The following CBFA2T2 variants were observed in gnomAD, a reference collection of about 807,000 sequenced individuals.
CBFA2T2 encodes the protein CBFA2/RUNX1 partner transcriptional co-repressor 2.
In CBFA2T2, 11 loss-of-function variants were observed where a neutral mutation model predicts 62.2. The observed-to-expected ratio is 0.18, with a 90% CI of 0.11 to 0.29. The LOEUF is 0.29. Among genes scored for constraint, CBFA2T2 ranks in the 10% least tolerant of loss-of-function variants. CBFA2T2 has a pLI of 1.00. For missense variants in CBFA2T2, 592 were observed against 774.1 expected, an observed-to-expected ratio of 0.76 and a Z score of 2.79; for synonymous variants, 295 against 287.5, an observed-to-expected ratio of 1.03 and a Z score of -0.27.
rs1204815699 is a variant in CBFA2T2 at position 33,647,586 on chromosome 20, G to C, written c.*2940G>C. ...GGCATGAGCCACTGTGTCCGGTCTT[G>C]AGCAGGTTTTTAAAATCTCCAGTGG... On this transcript the variant is annotated 3_prime_UTR_variant, in exon 11 of 11. Transcript: ENST00000342704. The C allele has an allele frequency of 6.6e-6, 1 of 152,186 alleles. No individual in the cohort carries two copies. The highest frequency in any genetic ancestry group is 1.9e-4 in the East Asian group (1 of 5,196). 9.4% of individuals were successfully genotyped at this position (152,186 alleles called of 1,614,324 possible).
chr20:33,587,233 G>A (rs1041110810), intron 1 of CBFA2T2, among the ~76,000 whole-genome samples: 3 of 142,146 alleles, frequency 2.1e-5, no homozygotes, highest in East Asian at 2.2e-4. Context: ...CGTGAGCCAC[G>A]GCACCCAGGT....
At chr20:33,547,867 C>T (rs183197093) in intron 1 of CBFA2T2, among the ~76,000 whole-genome samples, 20 of 152,078 alleles carry the variant, frequency 1.3e-4, no homozygotes, top group African/African-American at 4.6e-4. Flanking sequence ...AACATTATTT[C>T]GTTACTAATT....
intron 8 of CBFA2T2, among the ~76,000 whole-genome samples, chr20:33,631,629 C>G (rs935502139): frequency 8.5e-5 from 13 of 152,104 alleles, no homozygotes; most frequent in Non-Finnish European, 5.9e-5. Context: ...TCACCTTTCT[C>G]ACCTTTTGCA....
chr20:33,585,320 A>G (rs1347667253), intron 1 of CBFA2T2, among the ~76,000 whole-genome samples: 1 of 152,198 alleles, frequency 6.6e-6, no homozygotes, highest in Non-Finnish European at 1.5e-5. Context: ...TCTTATCCCC[A>G]TCGTGTCATC....
chr20:33,573,997 C>T, intron 1 of CBFA2T2: 1 of 724,758 alleles, frequency 1.4e-6, no homozygotes, highest in Non-Finnish European at 2.0e-6. Context: ...CCATGTTGCC[C>T]AGGTGGGTCT....
At chr20:33,560,587 C>G (rs934718014) in intron 1 of CBFA2T2, among the ~76,000 whole-genome samples, 1 of 152,174 alleles carries the variant, frequency 6.6e-6, no homozygotes, top group Non-Finnish European at 1.5e-5. Context: ...AAATGAAGCC[C>G]TAAAACCTAG....
intron 4 of CBFA2T2, among the ~76,000 whole-genome samples, chr20:33,621,826 G>C (rs1393353854): frequency 6.6e-6 from 1 of 152,182 alleles, no homozygotes; most frequent in Non-Finnish European, 1.5e-5. Flanking sequence ...CCTGTATCAT[G>C]GCTCGGTTCT....
intron 1 of CBFA2T2, chr20:33,574,049 A>G (rs1202535728): frequency 8.5e-6 from 12 of 1,403,718 alleles, no homozygotes; most frequent in Non-Finnish European, 1.0e-5. Context: ...TTGGCTGCCC[A>G]AAGTGCTGGG....
intron 1 of CBFA2T2, among the ~76,000 whole-genome samples, chr20:33,526,035 T>G (rs1344868425): frequency 2.0e-5 from 3 of 152,174 alleles, no homozygotes; most frequent in African/African-American, 7.2e-5. Flanking sequence ...TGAAGTGCTG[T>G]CTCCTGTTTC....
At chr20:33,491,442 C>T (rs1213354832) in intron 1 of CBFA2T2, among the ~76,000 whole-genome samples, 1 of 151,950 alleles carries the variant, frequency 6.6e-6, no homozygotes, top group African/African-American at 2.4e-5. Flanking sequence ...GCCCATTTTG[C>T]AGAGGATGAA....
In CBFA2T2 at chr20:33,623,362, A is replaced by T. The variant is rs115034117; in HGVS notation, c.692+66A>T. 1,518 of 1,560,358 alleles carry T rather than the reference A, an allele frequency of 9.7e-4. 15 individuals carry two copies. The African/African-American group carries it at 0.018, about 18-fold the overall frequency. Reference sequence around the variant, plus strand: ...GCACTGGTCCTCCCCTTTGCTTATAAAAGAGAGAGAATTTGATTGCTGTGG... The same window carrying T: ...GCACTGGTCCTCCCCTTTGCTTATATAAGAGAGAGAATTTGATTGCTGTGG... On this transcript the variant is annotated intron_variant, in intron 5 of 10. Coordinates refer to ENST00000342704, the MANE Select transcript of CBFA2T2 (RefSeq NM_001032999.3).
chr20:33,578,834 G>C (rs1351772114), intron 1 of CBFA2T2, among the ~76,000 whole-genome samples: 2 of 151,826 alleles, frequency 1.3e-5, no homozygotes, highest in African/African-American at 4.8e-5. Context: ...AAATACTGCA[G>C]GAAATCTGAA....
Position 33,630,773 on chromosome 20 carries a change from C to T in CBFA2T2, c.1228+859C>T, listed in dbSNP as rs1174885025. ...TTCACCACGAAGAACAAGTCTCTTA[C>T]GACAGACCTAGTATGTTCCATTGAA... On this transcript the variant is annotated intron_variant, in intron 8 of 10. Coordinates refer to ENST00000342704, the MANE Select transcript of CBFA2T2 (RefSeq NM_001032999.3). Among the ~76,000 whole-genome samples, 6 of 152,180 alleles carry T rather than the reference C, an allele frequency of 3.9e-5. No individual in the cohort carries two copies. The South Asian group carries it at 8.3e-4, about 21-fold the overall frequency.
intron 1 of CBFA2T2, among the ~76,000 whole-genome samples, chr20:33,560,727 C>A (rs1224550679): frequency 6.6e-6 from 1 of 152,116 alleles, no homozygotes; most frequent in African/African-American, 2.4e-5. Flanking sequence ...AGAATTATAA[C>A]CACACCTGTT....
chr20:33,621,671 C>A (rs1336460321), intron 4 of CBFA2T2, among the ~76,000 whole-genome samples: 2 of 152,162 alleles, frequency 1.3e-5, no homozygotes, highest in Non-Finnish European at 2.9e-5. Flanking sequence ...CTTTTACTTT[C>A]TTTTACCTTA....
At position 33,543,073 on chromosome 20, in the gene CBFA2T2, G is replaced by T. The variant is rs925819705; in HGVS notation, c.34+52772G>T. ...CTGTCGCCCAGGCTGGAGTGCAGTGGCATGATATTGGATCACTGCAATCTC... is the reference window on the plus strand; with the variant it reads ...CTGTCGCCCAGGCTGGAGTGCAGTGTCATGATATTGGATCACTGCAATCTC... On this transcript the variant is annotated intron_variant, in intron 1 of 10. Transcript: ENST00000342704. Among the ~76,000 whole-genome samples, 8 of 152,064 alleles carry T rather than the reference G, an allele frequency of 5.3e-5. No homozygotes were observed. In the East Asian group the frequency reaches 1.4e-3, roughly 26 times the overall value.
chr20:33,612,111 G>A (rs900200061), intron 3 of CBFA2T2, among the ~76,000 whole-genome samples: 7 of 152,198 alleles, frequency 4.6e-5, no homozygotes, highest in Admixed American at 2.0e-4. Context: ...CAAAGGGATT[G>A]CATTGTTCAG....
intron 5 of CBFA2T2, chr20:33,624,028 A>G (rs2016113646): frequency 1.8e-6 from 1 of 548,130 alleles, no homozygotes; most frequent in Non-Finnish European, 3.2e-6. Flanking sequence ...TTTTATGTCA[A>G]ACGCATTTTT....
intron 6 of CBFA2T2, 92 bp from the exon 7 acceptor site, chr20:33,628,258 G>A: frequency 2.3e-6 from 2 of 858,360 alleles, no homozygotes. Flanking sequence ...TGTGATCAAA[G>A]TTATTATGAA....
Sources: allele counts gnomAD v4.1 joint callset (sites outside exome capture counted in the v4.1 genomes callset), GRCh38; gene constraint gnomAD v4.1.1; transcripts MANE v1.5; gene names NCBI Gene and HGNC (gene_info 2026-07-23, HGNC 2026-07-21).